Variants in ENG observed in about 807,000 individuals in gnomAD.
The protein encoded by ENG is CD105 antigen.
A neutral mutation model predicts 71.0 loss-of-function variants in ENG; 17 were observed. That is an observed-to-expected ratio of 0.24 (90% CI 0.16 to 0.36). The LOEUF (loss-of-function observed/expected upper bound fraction) is 0.36. Ranked by LOEUF, ENG falls within the 10% of genes least tolerant of loss-of-function variation. The probability of loss-of-function intolerance (pLI) is 1.00; values close to 1 mark genes in which losing one functional copy is unlikely to be tolerated. For missense variants in ENG, 749 were observed against 868.3 expected (o/e 0.86, Z 1.73); for synonymous variants, 360 against 366.9 (o/e 0.98, Z 0.21).
rs7847860 is a variant in ENG at position 127,843,069 on chromosome 9, C to A, written c.219+25G>T. On this transcript the variant is annotated intron_variant, in intron 2 of 14. Transcript: ENST00000373203. ...CCTTGGAGCTTCCTCTGAGCCCCCA[C>A]CCGACCCTGCCATGGGACACTCACC... 109,798 of 1,613,582 alleles carry A rather than the reference C, an allele frequency of 0.068. 4,181 individuals carry two copies. Among genetic ancestry groups the A allele is most frequent in the South Asian group, 0.11 (10,415 of 91,052 alleles).
chr9:127,832,066 A>ATTTTTT (rs1249679767), intron 2 of ENG, among the ~76,000 whole-genome samples: 11 of 109,936 alleles, frequency 1.0e-4, no homozygotes, highest in Admixed American at 1.8e-4. Flanking sequence ...ATGAGCTACC[A>ATTTTTT]TTCTTTTTTT....
intron 1 of ENG, among the ~76,000 whole-genome samples, chr9:127,847,463 C>G (rs779250673): frequency 1.3e-5 from 2 of 152,022 alleles, no homozygotes; most frequent in African/African-American, 2.4e-5. Flanking sequence ...TGCCACCCCC[C>G]CTTTTCTTTT....
rs1385083730 is a variant in ENG, at chr9:127,836,878, C to T, written c.219+6216G>A. 1.3e-5 allele frequency among the ~76,000 whole-genome samples: 2 copies of T among 152,142 alleles called. No homozygotes were observed. Among genetic ancestry groups the T allele is most frequent in the Non-Finnish European group, 2.9e-5 (2 of 68,020 alleles). On this transcript the variant is annotated intron_variant, in intron 2 of 14. Transcript: ENST00000373203. The surrounding 1 kb of genome is among the most constrained non-coding windows in gnomAD (Gnocchi z 4.0). ...TCTCGGCTCACTGCAATCTCCGCCT[C>T]CTGGGTTCAAGTAATTCTGCTGGTT... is the stretch of plus-strand genomic sequence containing the variant.
chr9:127,851,862 G>A (rs1468135324), intron 1 of ENG, among the ~76,000 whole-genome samples: 2 of 152,064 alleles, frequency 1.3e-5, no homozygotes, highest in Admixed American at 6.6e-5. Flanking sequence ...TGGGTGACAA[G>A]AGCAAGACTG....
At chr9:127,843,015 C>T (rs1831076962) in intron 2 of ENG, 79 bp downstream of exon 2, 1 of 1,607,452 alleles carries the variant, frequency 6.2e-7, no homozygotes, top group South Asian at 1.1e-5. Context: ...CAGGGACAGC[C>T]ACAAGGAAGG....
chr9:127,816,992 GCTCT>G, intron 13 of ENG, 153 bp downstream of exon 13: 1 of 821,108 alleles, frequency 1.2e-6, no homozygotes. Flanking sequence ...GGCTGCTATG[GCTCT>G]GGGAAGCCCT....
At position 127,826,640 on chromosome 9, in the gene ENG, CG is replaced by C. The variant is rs1554810510; in HGVS notation, c.392del (p.Pro131ArgfsTer32). On this transcript the variant is annotated frameshift_variant, in exon 4 of 15. Transcript: ENST00000373203. LOFTEE classifies it high-confidence loss of function. ...NSSLVTFQEP[P>X]GVNTTELPSF... ...ATGGCAGCTCTGTGGTGTTGACCCC[CG>C]GGGGCTCTTGGAAGGTGACCAGGCT... 1 of 1,613,958 alleles carries C rather than the reference CG, an allele frequency of 6.2e-7. No homozygotes were observed. The highest frequency in any genetic ancestry group is 8.5e-7 in the Non-Finnish European group (1 of 1,179,996).
chr9:127,852,077 G>A (rs41356253), intron 1 of ENG, among the ~76,000 whole-genome samples: 1,665 of 152,290 alleles, frequency 0.011, 10 homozygotes, highest in Middle Eastern at 0.017. Flanking sequence ...CCATGGCAGT[G>A]TTCATATGAC....
chr9:127,825,393 G>A (rs747532721), intron 5 of ENG, 36 bp from the exon 6 acceptor site: 23 of 1,605,372 alleles, frequency 1.4e-5, no homozygotes, highest in Admixed American at 5.0e-5. Flanking sequence ...ACACTGAAGC[G>A]GACAGGCCAG....
chr9:127,849,775 C>T (rs1449101662), intron 1 of ENG, among the ~76,000 whole-genome samples: 1 of 152,230 alleles, frequency 6.6e-6, no homozygotes, highest in Non-Finnish European at 1.5e-5. Flanking sequence ...CACTGCAGTG[C>T]TTAGGCCCAG....
At chr9:127,825,459 G>A (rs1830587985) in intron 5 of ENG, 102 bp from the exon 6 acceptor site, 1 of 1,569,404 alleles carries the variant, frequency 6.4e-7, no homozygotes, top group Non-Finnish European at 8.6e-7. Context: ...ACCTGGCCAG[G>A]TGTGGGTTTA....
At position 127,824,782 on chromosome 9, in the gene ENG, C is replaced by G. The variant is rs10760504; in HGVS notation, c.991+18G>C. Reference sequence around the variant, plus strand: ...AAGGGAGGGGAAGGGAAGGGAGGGGCAGGGGAAGGGTGCTCACCGCAGCTG... The same window carrying G: ...AAGGGAGGGGAAGGGAAGGGAGGGGGAGGGGAAGGGTGCTCACCGCAGCTG... On this transcript the variant is annotated intron_variant, in intron 7 of 14. Transcript: ENST00000373203. 1.3e-5 allele frequency: 18 copies of G among 1,404,112 alleles called. No homozygotes were observed. The highest frequency in any genetic ancestry group is 1.6e-5 in the African/African-American group (1 of 62,538). 87.0% of individuals were successfully genotyped at this position (1,404,112 alleles called of 1,614,324 possible).
At position 127,815,142 on chromosome 9, in the gene ENG, C is replaced by T. The variant is rs1450758327; in HGVS notation, c.*540G>A. ...GGCTCCATGTGGCAGGAGCTAGGCT[C>T]CCAACGCCCACTGTTCTTGCCACCC... On this transcript the variant is annotated 3_prime_UTR_variant, in exon 15 of 15. Transcript: ENST00000373203. The T allele has an allele frequency of 6.5e-6, 1 of 153,958 alleles. No individual in the cohort carries two copies. The highest frequency in any genetic ancestry group is 1.4e-5 in the Non-Finnish European group (1 of 69,390). The allele number at this position is 153,958 out of a possible 1,614,324, so 9.5% of individuals were successfully genotyped here.
At chr9:127,849,569 T>C (rs1831243877) in intron 1 of ENG, among the ~76,000 whole-genome samples, 1 of 152,064 alleles carries the variant, frequency 6.6e-6, no homozygotes, top group Non-Finnish European at 1.5e-5. Flanking sequence ...GGTCTGACAG[T>C]CTGAGATTTC....
At position 127,836,164 on chromosome 9, in the gene ENG, C is replaced by T. The variant is rs959284961; in HGVS notation, c.220-6337G>A. Reference sequence around the variant, plus strand: ...CCCCCTTCTCTCCCGGCCGGGGGCCCCAGAGGCAAAAAACGATGGCGCCAG... The same window carrying T: ...CCCCCTTCTCTCCCGGCCGGGGGCCTCAGAGGCAAAAAACGATGGCGCCAG... On this transcript the variant is annotated intron_variant, in intron 2 of 14. Coordinates refer to ENST00000373203, the MANE Select transcript of ENG (RefSeq NM_001114753.3). This position sits in a 1 kb window ranked among gnomAD's most constrained non-coding sequence, Gnocchi z 4.0. Among the ~76,000 whole-genome samples, 1 of 152,206 alleles carries T rather than the reference C, an allele frequency of 6.6e-6. No individual in the cohort carries two copies. The highest frequency in any genetic ancestry group is 1.5e-5 in the Non-Finnish European group (1 of 68,030).
rs141402639 is a variant in ENG at position 127,817,114 on chromosome 9, C to T, written c.1741+35G>A. 1.6e-4 allele frequency: 260 copies of T among 1,613,816 alleles called. 2 individuals are homozygous for T. In the African/African-American group the frequency reaches 2.9e-3, roughly 18 times the overall value. ...CTGTGCCCTACTGTGACCTCAGCCA[C>T]TAGAACAAACCCGAGAGACCTGGAG... On this transcript the variant is annotated intron_variant, in intron 13 of 14. Coordinates refer to ENST00000373203, the MANE Select transcript of ENG (RefSeq NM_001114753.3).
chr9:127,821,422 C>T (rs1476104173), intron 8 of ENG: 1 of 151,382 alleles, frequency 6.6e-6, no homozygotes, highest in African/African-American at 2.4e-5. Context: ...CAGAGCGAGA[C>T]CTCGTCTCTA....
chr9:127,832,181 TCTC>T, intron 2 of ENG, among the ~76,000 whole-genome samples: 1 of 150,308 alleles, frequency 6.7e-6, no homozygotes, highest in East Asian at 2.0e-4. Context: ...GTCAAGCAAT[TCTC>T]CTGCCTCAGC....
intron 10 of ENG, 108 bp from the exon 11 acceptor site, chr9:127,818,940 CTTTT>C (rs373626892): frequency 2.8e-4 from 189 of 684,644 alleles, no homozygotes; most frequent in Middle Eastern, 1.4e-3. Context: ...GCCTGACTCT[CTTTT>C]TTTTTTTTTT....
Sources: allele counts gnomAD v4.1 joint callset (sites outside exome capture counted in the v4.1 genomes callset), GRCh38; gene constraint gnomAD v4.1.1; non-coding constraint Gnocchi (gnomAD v3.1); transcripts MANE v1.5; gene names NCBI Gene and HGNC (gene_info 2026-07-23, HGNC 2026-07-21).